STK38: variants seen among roughly 807,000 people sequenced by gnomAD.
STK38 encodes the protein serine/threonine kinase 38.
STK38 carries 26 observed loss-of-function variants against 59.0 expected under a neutral mutation model. The observed-to-expected ratio is 0.44, with a 90% CI of 0.32 to 0.61. The LOEUF (loss-of-function observed/expected upper bound fraction) is 0.61. STK38 is among the 20% of genes least tolerant of loss of function. STK38 has a pLI of 0.04. For missense variants in STK38, 433 were observed against 566.0 expected, an observed-to-expected ratio of 0.76 and a Z score of 2.38; for synonymous variants, 175 against 176.6, an observed-to-expected ratio of 0.99 and a Z score of 0.07.
intron 11 of STK38, 119 bp downstream of exon 11, chr6:36,498,244 T>C (rs1776753211): frequency 1.5e-6 from 2 of 1,376,448 alleles, no homozygotes; most frequent in Non-Finnish European, 2.0e-6. Flanking sequence ...TTTATTTGTT[T>C]AAAGAGAGGA....
chr6:36,530,673 C>CTTTTT (rs1777645120), intron 2 of STK38, among the ~76,000 whole-genome samples: 3 of 147,988 alleles, frequency 2.0e-5, no homozygotes, highest in African/African-American at 5.0e-5. Flanking sequence ...GGCCTTTTTC[C>CTTTTT]TTTTTTTCTT....
intron 5 of STK38, among the ~76,000 whole-genome samples, chr6:36,518,356 C>G (rs780626663): frequency 1.2e-4 from 18 of 152,094 alleles, no homozygotes; most frequent in Non-Finnish European, 2.6e-4. Context: ...ACAAGAACAC[C>G]TATGAAAAGT....
chr6:36,528,781 C>T (rs181010410), intron 2 of STK38, among the ~76,000 whole-genome samples: 9 of 152,210 alleles, frequency 5.9e-5, no homozygotes, highest in Non-Finnish European at 8.8e-5. Flanking sequence ...CACCATCATA[C>T]GTCCTGACTA....
intron 7 of STK38, among the ~76,000 whole-genome samples, chr6:36,509,520 A>G (rs7772524): frequency 0.24 from 35,963 of 151,814 alleles, 4,484 homozygotes; most frequent in East Asian, 0.39. Flanking sequence ...AAGGGGATGT[A>G]AAGAAACTGA....
chr6:36,530,894 T>C (rs1777653667), intron 2 of STK38, among the ~76,000 whole-genome samples: 1 of 152,020 alleles, frequency 6.6e-6, no homozygotes, highest in Non-Finnish European at 1.5e-5. Flanking sequence ...TTCATCATGT[T>C]GCACAGGCTG....
At chr6:36,504,852 C>A (rs1776921084) in intron 9 of STK38, among the ~76,000 whole-genome samples, 1 of 145,618 alleles carries the variant, frequency 6.9e-6, no homozygotes. Context: ...AGCTTTATCC[C>A]CAAAATACTT....
chr6:36,521,762 C>T lies in STK38; in HGVS notation c.362G>A (p.Arg121His), dbSNP rs773297808. Residue 121 changes from arginine (R) to histidine (H), a missense_variant, in exon 5 of 14, where the codon CGT becomes CAT. Arg to His is a conservative substitution (Grantham distance 29). Coordinates refer to ENST00000229812, the MANE Select transcript of STK38 (RefSeq NM_007271.4). ...CTCTTTTTCAAGCATATCTGCTTTACGGAGTATTTTCATTGCATACACATG... is the reference window on the plus strand; with the variant it reads ...CTCTTTTTCAAGCATATCTGCTTTATGGAGTATTTTCATTGCATACACATG... ...TGHVYAMKIL[R>H]KADMLEKEQV... The T allele has an allele frequency of 7.4e-6, 12 of 1,611,576 alleles. No individual in the cohort carries two copies. Among genetic ancestry groups the T allele is most frequent in the Admixed American group, 5.0e-5 (3 of 59,784 alleles).
At chr6:36,538,061 G>T (rs537773213) in intron 2 of STK38, among the ~76,000 whole-genome samples, 1 of 152,154 alleles carries the variant, frequency 6.6e-6, no homozygotes, top group Non-Finnish European at 1.5e-5. Context: ...AGCACTTCAA[G>T]AGGCTGTGGC....
chr6:36,521,556 G>C (rs1170009684), intron 5 of STK38, among the ~76,000 whole-genome samples, 178 bp downstream of exon 5: 1 of 152,042 alleles, frequency 6.6e-6, no homozygotes, highest in Non-Finnish European at 1.5e-5. Flanking sequence ...GGCATTATTT[G>C]TGATTTTAAA....
chr6:36,530,662 C>T (rs1033577480), intron 2 of STK38, among the ~76,000 whole-genome samples: 9 of 150,602 alleles, frequency 6.0e-5, no homozygotes, highest in African/African-American at 9.8e-5. Context: ...CCACCACACC[C>T]GGCCTTTTTC....
chr6:36,545,784 G>C (rs1166683178), intron 1 of STK38, among the ~76,000 whole-genome samples: 2 of 152,146 alleles, frequency 1.3e-5, no homozygotes, highest in Non-Finnish European at 2.9e-5. Flanking sequence ...GAAGAATTAG[G>C]AAATAATAGG....
intron 2 of STK38, among the ~76,000 whole-genome samples, chr6:36,527,707 C>T (rs778170921): frequency 3.3e-5 from 5 of 152,068 alleles, no homozygotes; most frequent in Non-Finnish European, 7.4e-5. Flanking sequence ...TTATTCAGCA[C>T]AATAAATGAA....
At chr6:36,541,405 A>T (rs1038629729) in intron 1 of STK38, among the ~76,000 whole-genome samples, 7 of 152,188 alleles carry the variant, frequency 4.6e-5, no homozygotes, top group Admixed American at 1.3e-4. Context: ...CCTAAAAAAA[A>T]ATATACAGTA....
At chr6:36,531,484 C>T (rs1209083486) in intron 2 of STK38, among the ~76,000 whole-genome samples, 1 of 152,204 alleles carries the variant, frequency 6.6e-6, no homozygotes. Flanking sequence ...AAGTAGACAA[C>T]TGTCAATACC....
At position 36,521,764 on chromosome 6, in the gene STK38, G is replaced by A. The variant is rs760674990; in HGVS notation, c.360C>T (p.Leu120=). 1 of 1,611,738 alleles carries A rather than the reference G, an allele frequency of 6.2e-7. No individual in the cohort carries two copies. Among genetic ancestry groups the A allele is most frequent in the Non-Finnish European group, 8.5e-7 (1 of 1,179,518 alleles). The change falls in exon 5 of 14, where the codon CTC becomes CTT. Residue 120 remains leucine, a synonymous_variant. Coordinates refer to ENST00000229812, the MANE Select transcript of STK38 (RefSeq NM_007271.4). ...CTTTTTCAAGCATATCTGCTTTACGGAGTATTTTCATTGCATACACATGTC... is the reference window on the plus strand; with the variant it reads ...CTTTTTCAAGCATATCTGCTTTACGAAGTATTTTCATTGCATACACATGTC... ...DTGHVYAMKI[L]RKADMLEKEQ... is the part of the protein sequence containing the mutation.
At chr6:36,501,032 C>T (rs1015637546) in intron 9 of STK38, among the ~76,000 whole-genome samples, 1 of 152,106 alleles carries the variant, frequency 6.6e-6, no homozygotes, top group African/African-American at 2.4e-5. Context: ...GATGATGGCT[C>T]ACCTCAAACT....
intron 2 of STK38, among the ~76,000 whole-genome samples, chr6:36,525,992 A>C (rs1777501256): frequency 6.6e-6 from 1 of 152,154 alleles, no homozygotes; most frequent in South Asian, 2.1e-4. Context: ...CTAGGACTAC[A>C]GGCGCGTGCC....
chr6:36,531,425 T>G (rs758828451), intron 2 of STK38, among the ~76,000 whole-genome samples: 11 of 152,366 alleles, frequency 7.2e-5, no homozygotes, highest in Middle Eastern at 6.8e-3. Context: ...TTCTTCAGAT[T>G]TGATTTCAAA....
chr6:36,497,820 T>C lies in STK38; in HGVS notation c.1132A>G (p.Ser378Gly). ...TCAACGCCTTCAAAAAAAGAGTTAC[T>C]TTTTATTTCCTCAACTCCAGGAGCT... Reference protein sequence around the residue: ...IGAPGVEEIKSNSFFEGVDWE... With the variant: ...IGAPGVEEIKGNSFFEGVDWE... Residue 378 changes from serine to glycine, a missense_variant, in exon 12 of 14, where the codon AGT (serine) becomes GGT (glycine). Around this residue, in one of 3 missense-constraint regions of STK38, gnomAD observed 136 missense variants for 156.7 expected, o/e 0.87. Coordinates refer to ENST00000229812, the MANE Select transcript of STK38 (RefSeq NM_007271.4). 1 of 1,613,852 alleles carries C rather than the reference T, an allele frequency of 6.2e-7. No individual in the cohort carries two copies. The highest frequency in any genetic ancestry group is 8.5e-7 in the Non-Finnish European group (1 of 1,179,960).
Sources: allele counts gnomAD v4.1 joint callset (sites outside exome capture counted in the v4.1 genomes callset), GRCh38; gene constraint gnomAD v4.1.1; regional missense constraint gnomAD v4.1.1; transcripts MANE v1.5; gene names NCBI Gene and HGNC (gene_info 2026-07-23, HGNC 2026-07-21).